The following PRDM15 variants were observed in gnomAD, a reference collection of about 807,000 sequenced individuals.
The protein encoded by PRDM15 is PR/SET domain 15.
A neutral mutation model predicts 128.6 loss-of-function variants in PRDM15; 64 were observed. The observed-to-expected ratio is 0.50, with a 90% CI of 0.41 to 0.61. The LOEUF is 0.61. Among genes scored for constraint, PRDM15 ranks in the 20% least tolerant of loss-of-function variants. The pLI, the probability that PRDM15 is intolerant of heterozygous loss-of-function variation, is 0.00. For missense variants in PRDM15, 1,242 were observed against 1,569.1 expected, an observed-to-expected ratio of 0.79 and a Z score of 3.52; for synonymous variants, 615 against 621.8, an observed-to-expected ratio of 0.99 and a Z score of 0.16.
chr21:41,823,262 C>G (rs937739183), intron 14 of PRDM15, 56 bp downstream of exon 14: 15 of 1,587,640 alleles, frequency 9.4e-6, no homozygotes, highest in African/African-American at 9.4e-5. Context: ...GTGACAGACG[C>G]TGGCCTGGGG....
Position 41,800,518 on chromosome 21 carries a change from G to GA in PRDM15, c.*721dup, listed in dbSNP as rs563779343. ...TGAAATAAAGTTAAAAAAAAAAAAG[G>GA]AAAAAAACTCTATTGGAAATCGATT... On this transcript the variant is annotated 3_prime_UTR_variant, in exon 24 of 24. Transcript: ENST00000398548. 6.6e-6 allele frequency: 1 copy of GA among 151,998 alleles called. No individual in the cohort carries two copies. The allele number at this position is 151,998 out of a possible 1,614,324, so 9.4% of individuals were successfully genotyped here. A position where few individuals can be genotyped will look rare whatever the true frequency, so the allele number is the denominator to read the frequency against.
Position 41,836,117 on chromosome 21 carries a change from T to C in PRDM15, c.1274A>G (p.Asn425Ser). The C allele has an allele frequency of 6.2e-7, 1 of 1,613,036 alleles. No homozygotes were observed. Among genetic ancestry groups the C allele is most frequent in the Non-Finnish European group, 8.5e-7 (1 of 1,179,344 alleles). Residue 425 changes from asparagine (N) to serine (S), a missense_variant, in exon 10 of 24, where the codon AAC becomes AGC. Around this residue, in one of 3 missense-constraint regions of PRDM15, gnomAD observed 612 missense variants for 717.0 expected, o/e 0.85. Coordinates refer to ENST00000398548, the MANE Select transcript of PRDM15 (RefSeq NM_001040424.3). Reference protein sequence around the residue: ...KQHVSYKHSRNEVDGEYRYRC... With the variant: ...KQHVSYKHSRSEVDGEYRYRC... ...CCTGGGCTTGTTTCCACCCACCTCG[T>C]TCCTGCTGTGCTTGTAGGAAACGTG...
chr21:41,861,870 G>A (rs2063825042), intron 1 of PRDM15: 1 of 1,578,290 alleles, frequency 6.3e-7, no homozygotes, highest in Non-Finnish European at 8.7e-7. Flanking sequence ...ACAAGGGGAG[G>A]GGGGTGAAAT....
intron 22 of PRDM15, 41 bp downstream of exon 22, chr21:41,804,493 A>AC: frequency 6.8e-7 from 1 of 1,480,796 alleles, no homozygotes; most frequent in Non-Finnish European, 9.2e-7. Context: ...GTGTCCACTT[A>AC]CCCCAAAGTT....
At chr21:41,836,036 T>A in intron 10 of PRDM15, 77 bp downstream of exon 10, 1 of 849,022 alleles carries the variant, frequency 1.2e-6, no homozygotes. Flanking sequence ...TTCTTCTCAT[T>A]ACAACATGGT....
At chr21:41,848,675 G>A (rs542749980) in intron 5 of PRDM15, among the ~76,000 whole-genome samples, 2 of 152,286 alleles carry the variant, frequency 1.3e-5, no homozygotes, top group South Asian at 2.1e-4. Flanking sequence ...TTCTGAATAA[G>A]GGGAATTTCT....
At chr21:41,846,252 C>T (rs1246996285) in intron 6 of PRDM15, among the ~76,000 whole-genome samples, 7 of 152,310 alleles carry the variant, frequency 4.6e-5, no homozygotes, top group South Asian at 4.1e-4. Flanking sequence ...TTATTTGATG[C>T]GAGTCTTTCT....
Position 41,801,462 on chromosome 21 carries a change from T to G in PRDM15, c.3204A>C (p.Glu1068Asp). 1 of 1,614,170 alleles carries G rather than the reference T, an allele frequency of 6.2e-7. No homozygotes were observed. ...QNDVQIHPQP[E>D]ASNPQSVAHF... Reference sequence around the variant, plus strand: ...GGGCCACAGACTGTGGGTTCGAGGCTTCCGGCTGGGGGTGGATCTGGACGT... The same window carrying G: ...GGGCCACAGACTGTGGGTTCGAGGCGTCCGGCTGGGGGTGGATCTGGACGT... Residue 1068 changes from glutamate (E) to aspartate (D), a missense_variant, in exon 24 of 24, where the codon GAA becomes GAC. This residue lies in a region of PRDM15 where 602 missense variants were observed against 788.3 expected (regional missense o/e 0.76). Coordinates refer to ENST00000398548, the MANE Select transcript of PRDM15 (RefSeq NM_001040424.3).
intron 12 of PRDM15, among the ~76,000 whole-genome samples, chr21:41,827,755 G>A (rs2062520125): frequency 6.6e-6 from 1 of 152,014 alleles, no homozygotes; most frequent in Non-Finnish European, 1.5e-5. Context: ...GGTGTATGAA[G>A]GGCTGCTGCT....
intron 6 of PRDM15, among the ~76,000 whole-genome samples, chr21:41,846,481 A>T (rs2063268010): frequency 6.6e-6 from 1 of 152,218 alleles, no homozygotes; most frequent in Admixed American, 6.5e-5. Context: ...AGGCAGACGG[A>T]CCGCTTGAGC....
chr21:41,828,404 G>T lies in PRDM15; in HGVS notation c.1367-71C>A. The stretch of plus-strand genomic sequence containing the variant: ...CATCTCACGCAGGCACGCACGTGTG[G>T]CCTGAACGTCAATAAAGCGCGGGTG... On this transcript the variant is annotated intron_variant, in intron 11 of 23. Transcript: ENST00000398548. This position sits in a 1 kb window ranked among gnomAD's most constrained non-coding sequence, Gnocchi z 5.7. 6.5e-7 allele frequency: 1 copy of T among 1,537,582 alleles called. No individual in the cohort carries two copies.
chr21:41,824,289 C>T (rs570776484), intron 13 of PRDM15, among the ~76,000 whole-genome samples: 16 of 152,320 alleles, frequency 1.1e-4, no homozygotes, highest in South Asian at 4.1e-4. Context: ...GGGCTGACAG[C>T]GCTGTGCCCC....
intron 11 of PRDM15, chr21:41,834,692 A>G (rs1026593342): frequency 2.8e-6 from 2 of 706,570 alleles, no homozygotes; most frequent in Admixed American, 2.2e-5. Context: ...CACATCCCAG[A>G]GGGTGCACGT....
In PRDM15 at chr21:41,836,848, G is replaced by A. The variant is rs2062913873; in HGVS notation, c.1002-199C>T. Reference sequence around the variant, plus strand: ...ACACCTTGAATATATAATGACATTAGGCAGCTTTAGCTGCAACAGCCACAC... The same window carrying A: ...ACACCTTGAATATATAATGACATTAAGCAGCTTTAGCTGCAACAGCCACAC... On this transcript the variant is annotated intron_variant, in intron 8 of 23. Transcript: ENST00000398548. 1.7e-5 allele frequency: 8 copies of A among 464,068 alleles called. No homozygotes were observed. The Admixed American group carries it at 2.9e-4, about 17-fold the overall frequency. 28.7% of individuals were successfully genotyped at this position (464,068 alleles called of 1,614,324 possible). A position where few individuals can be genotyped will look rare whatever the true frequency, so the allele number is the denominator to read the frequency against.
At chr21:41,806,081 C>CCAT (rs1568880424) in intron 21 of PRDM15, among the ~76,000 whole-genome samples, 4 of 25,720 alleles carry the variant, frequency 1.6e-4, no homozygotes, top group Admixed American at 9.5e-4. Context: ...ACCACCATCA[C>CCAT]CACCACCACC....
At position 41,799,634 on chromosome 21, in the gene PRDM15, G is replaced by A. The variant is rs891156324; in HGVS notation, c.*1606C>T. Reference sequence around the variant, plus strand: ...CCAGCCCTGTCCTCAAAAGTCTGCTGTTTGGAGTGAAGTGCTGAGAAAGTT... The same window carrying A: ...CCAGCCCTGTCCTCAAAAGTCTGCTATTTGGAGTGAAGTGCTGAGAAAGTT... On this transcript the variant is annotated 3_prime_UTR_variant, in exon 24 of 24. Transcript: ENST00000398548. 2 of 152,258 alleles carry A rather than the reference G, an allele frequency of 1.3e-5. No homozygotes were observed. The highest frequency in any genetic ancestry group is 6.5e-5 in the Admixed American group (1 of 15,278). The allele number at this position is 152,258 out of a possible 1,614,324, so 9.4% of individuals were successfully genotyped here.
rs144667783 is a variant in PRDM15, at chr21:41,840,665, C to T, written c.641-812G>A. Among the ~76,000 whole-genome samples, 202 of 151,918 alleles carry T rather than the reference C, an allele frequency of 1.3e-3. 7 individuals are homozygous for T. The East Asian group carries it at 0.023, about 17-fold the overall frequency. ...ACTAAAAAATTAAGCAATAAGCCAT[C>T]AGGGCGTCAGCAGACACATACACAC... On this transcript the variant is annotated intron_variant, in intron 6 of 23. Transcript: ENST00000398548.
chr21:41,808,137 T>G (rs1278713136), intron 21 of PRDM15, among the ~76,000 whole-genome samples: 1 of 152,188 alleles, frequency 6.6e-6, no homozygotes, highest in African/African-American at 2.4e-5. Flanking sequence ...CCACACGTCA[T>G]GGAGAGGAAC....
In PRDM15 at chr21:41,879,161, G is replaced by T; in HGVS notation, c.-10+109C>A. On this transcript the variant is annotated intron_variant, in intron 1 of 23. Transcript: ENST00000398548. The surrounding 1 kb of genome is among the most constrained non-coding windows in gnomAD (Gnocchi z 5.1). ...CGCGGCTGCCGGGCGCGGGGGGCGG[G>T]GGGCAGCGGGCCCAGGGCGCGCCGG... 1 of 919,666 alleles carries T rather than the reference G, an allele frequency of 1.1e-6. No homozygotes were observed. The highest frequency in any genetic ancestry group is 1.3e-6 in the Non-Finnish European group (1 of 763,828). 57.0% of individuals were successfully genotyped at this position (919,666 alleles called of 1,614,324 possible). A position where few individuals can be genotyped will look rare whatever the true frequency, so the allele number is the denominator to read the frequency against.
Sources: allele counts gnomAD v4.1 joint callset (sites outside exome capture counted in the v4.1 genomes callset), GRCh38; gene constraint gnomAD v4.1.1; regional missense constraint gnomAD v4.1.1; non-coding constraint Gnocchi (gnomAD v3.1); transcripts MANE v1.5; gene names NCBI Gene and HGNC (gene_info 2026-07-23, HGNC 2026-07-21).